Variants in ANKH observed in about 807,000 individuals in gnomAD.
ANKH encodes the protein mineralization regulator ANKH.
In ANKH, 15 loss-of-function variants were observed where a neutral mutation model predicts 49.0. The ratio of observed to expected loss-of-function variants is 0.31; its 90% CI spans 0.20 to 0.47. The LOEUF (loss-of-function observed/expected upper bound fraction) is 0.47, where lower values mean the gene tolerates loss of function less well. Among genes scored for constraint, ANKH ranks in the 20% least tolerant of loss-of-function variants. The pLI is 1.00. For missense variants in ANKH, 429 were observed against 652.0 expected (o/e 0.66, Z 3.72); for synonymous variants, 273 against 260.0 (o/e 1.05, Z -0.48).
chr5:14,760,768 G>C (rs1313972889), intron 2 of ANKH, among the ~76,000 whole-genome samples: 2 of 152,200 alleles, frequency 1.3e-5, no homozygotes, highest in African/African-American at 4.8e-5. Context: ...AAATCCCCTG[G>C]TGAAGGTTAC....
At chr5:14,858,751 AAAT>A (rs1275938494) in intron 1 of ANKH, among the ~76,000 whole-genome samples, 212 of 70,168 alleles carry the variant, frequency 3.0e-3, no homozygotes, top group African/African-American at 0.011. Context: ...ATAAATAAAT[AAAT>A]AAATAAAATA....
At chr5:14,767,088 G>A (rs1739279961) in intron 2 of ANKH, among the ~76,000 whole-genome samples, 1 of 152,182 alleles carries the variant, frequency 6.6e-6, no homozygotes, top group South Asian at 2.1e-4. Context: ...ATAGGAAAGT[G>A]GTGGGAAGAA....
chr5:14,739,091 A>T (rs974268792), intron 8 of ANKH, among the ~76,000 whole-genome samples: 2 of 152,202 alleles, frequency 1.3e-5, no homozygotes, highest in African/African-American at 4.8e-5. Context: ...GTGAGTACTC[A>T]TTACAGGGAC....
chr5:14,853,203 C>A (rs1297366414), intron 1 of ANKH, among the ~76,000 whole-genome samples: 1 of 152,192 alleles, frequency 6.6e-6, no homozygotes, highest in Non-Finnish European at 1.5e-5. Flanking sequence ...ATACGCTTTT[C>A]CCAATTACTA....
chr5:14,865,355 C>A (rs2453318), intron 1 of ANKH, among the ~76,000 whole-genome samples: 119,632 of 152,008 alleles, frequency 0.79, 47,540 homozygotes, highest in Middle Eastern at 0.87. Context: ...AAATTAGAGG[C>A]ATTTTTTCAC....
rs553075624 is a variant in ANKH, at chr5:14,835,374, G to A, written c.96+35978C>T. Among the ~76,000 whole-genome samples, 36 of 152,196 alleles carry A rather than the reference G, an allele frequency of 2.4e-4. No homozygotes were observed. In the Middle Eastern group the frequency reaches 0.014, roughly 58 times the overall value. ...GAGCCCTTTGAAAAACCCGCAGTCC[G>A]TGCCCACAGACAGGTTGAAATGCTT... On this transcript the variant is annotated intron_variant, in intron 1 of 11. Transcript: ENST00000284268.
chr5:14,797,572 T>G, intron 1 of ANKH: 1 of 1,610,638 alleles, frequency 6.2e-7, no homozygotes, highest in Non-Finnish European at 8.5e-7. Flanking sequence ...GAAAGGCAGT[T>G]CACTTCAGCA....
chr5:14,863,645 G>C (rs562695298), intron 1 of ANKH, among the ~76,000 whole-genome samples: 1 of 152,082 alleles, frequency 6.6e-6, no homozygotes, highest in African/African-American at 2.4e-5. Flanking sequence ...AGAGTCACAG[G>C]TGTTCAAAAA....
intron 1 of ANKH, among the ~76,000 whole-genome samples, chr5:14,827,714 G>A (rs868424917): frequency 6.6e-6 from 1 of 151,986 alleles, no homozygotes; most frequent in South Asian, 2.1e-4. Flanking sequence ...GACCTTTGTT[G>A]TATTTCTCCT....
intron 1 of ANKH, among the ~76,000 whole-genome samples, chr5:14,843,549 G>GAAAAAAAAAA (rs60487783): frequency 3.3e-5 from 2 of 61,002 alleles, no homozygotes; most frequent in East Asian, 5.7e-4. Flanking sequence ...GGGGATTAGC[G>GAAAAAAAAAA]AAAAAAAAAA....
At chr5:14,852,925 A>T (rs2126623198) in intron 1 of ANKH, among the ~76,000 whole-genome samples, 1 of 151,894 alleles carries the variant, frequency 6.6e-6, no homozygotes, top group Admixed American at 6.6e-5. Context: ...CATTAATTCC[A>T]CCCAAGCAGA....
At chr5:14,759,858 GGAAAGA>G (rs1192778391) in intron 2 of ANKH, among the ~76,000 whole-genome samples, 8 of 19,072 alleles carry the variant, frequency 4.2e-4, no homozygotes, top group African/African-American at 2.1e-3. Flanking sequence ...GGAAAGGGAA[GGAAAGA>G]GAAGGAAAGG....
chr5:14,733,644 C>G (rs1179216150), intron 8 of ANKH, among the ~76,000 whole-genome samples: 1 of 152,228 alleles, frequency 6.6e-6, no homozygotes, highest in Non-Finnish European at 1.5e-5. Context: ...GTAATTACCT[C>G]TATTTGGTAA....
intron 2 of ANKH, among the ~76,000 whole-genome samples, chr5:14,765,698 T>C (rs78040499): frequency 0.01 from 1,593 of 152,358 alleles, 29 homozygotes; most frequent in African/African-American, 0.036. Flanking sequence ...CTTTCCTTTA[T>C]TGGGGCAAAC....
intron 5 of ANKH, 109 bp downstream of exon 5, chr5:14,750,960 G>T: frequency 7.1e-7 from 1 of 1,407,122 alleles, no homozygotes; most frequent in Non-Finnish European, 9.9e-7. Flanking sequence ...TGACATCCTG[G>T]CCAACTTCAT....
chr5:14,794,800 C>T (rs1277633673), intron 1 of ANKH, among the ~76,000 whole-genome samples: 2 of 152,228 alleles, frequency 1.3e-5, no homozygotes, highest in Non-Finnish European at 2.9e-5. Context: ...GTTTTGCTTC[C>T]TGAATGATGT....
At chr5:14,720,948 G>GT (rs1737639666) in intron 8 of ANKH, among the ~76,000 whole-genome samples, 9 of 152,216 alleles carry the variant, frequency 5.9e-5, no homozygotes, top group Admixed American at 5.9e-4. Flanking sequence ...GATGAGCCAG[G>GT]TAATCCCTGC....
At chr5:14,718,791 C>G (rs1177123987) in intron 8 of ANKH, among the ~76,000 whole-genome samples, 1 of 150,426 alleles carries the variant, frequency 6.6e-6, no homozygotes, top group Non-Finnish European at 1.5e-5. Context: ...TGCACTCCAG[C>G]CTGGGCAACA....
intron 1 of ANKH, among the ~76,000 whole-genome samples, chr5:14,859,752 C>A (rs912431235): frequency 6.6e-6 from 1 of 152,144 alleles, no homozygotes; most frequent in Non-Finnish European, 1.5e-5. Flanking sequence ...CACACAGGTA[C>A]GCATCCGTCA....
Sources: allele counts gnomAD v4.1 joint callset (sites outside exome capture counted in the v4.1 genomes callset), GRCh38; gene constraint gnomAD v4.1.1; transcripts MANE v1.5; gene names NCBI Gene and HGNC (gene_info 2026-07-23, HGNC 2026-07-21).